GRIK2: variants seen among roughly 807,000 people sequenced by gnomAD.
GRIK2 encodes glutamate ionotropic receptor kainate type subunit 2.
Under a neutral mutation model 100.3 loss-of-function variants are expected in GRIK2, and 32 were observed. That is an observed-to-expected ratio of 0.32 (90% CI 0.24 to 0.43). The LOEUF is 0.43. Ranked by LOEUF, GRIK2 falls within the 20% of genes least tolerant of loss-of-function variation. The pLI, the probability that GRIK2 is intolerant of heterozygous loss-of-function variation, is 1.00. For synonymous variants in GRIK2, 417 were observed against 389.4 expected (o/e 1.07, Z -0.83); for missense variants, 843 against 1,114.9 (o/e 0.76, Z 3.47).
chr6:101,553,017 C>T (rs532158420), intron 2 of GRIK2, among the ~76,000 whole-genome samples: 4 of 152,230 alleles, frequency 2.6e-5, no homozygotes, highest in African/African-American at 7.2e-5. Flanking sequence ...CTCAAAGTTA[C>T]CCCAGTGAAT....
intron 2 of GRIK2, among the ~76,000 whole-genome samples, chr6:101,438,904 A>G (rs1289299412): frequency 6.6e-6 from 1 of 152,106 alleles, no homozygotes; most frequent in Admixed American, 6.6e-5. Context: ...AACTGCATTG[A>G]TTTTTGTGCT....
chr6:101,849,303 C>T (rs1326911225), intron 10 of GRIK2, among the ~76,000 whole-genome samples: 1 of 152,018 alleles, frequency 6.6e-6, no homozygotes, highest in Non-Finnish European at 1.5e-5. Context: ...ATCTCCTTAA[C>T]ATTGCTGTCC....
At chr6:101,648,412 A>G (rs1466790690) in intron 4 of GRIK2, among the ~76,000 whole-genome samples, 2 of 152,120 alleles carry the variant, frequency 1.3e-5, no homozygotes, top group African/African-American at 2.4e-5. Context: ...TCCAAGATCT[A>G]CTTTTGTATT....
At chr6:101,690,087 A>G (rs1309237891) in intron 7 of GRIK2, among the ~76,000 whole-genome samples, 1 of 152,162 alleles carries the variant, frequency 6.6e-6, no homozygotes, top group African/African-American at 2.4e-5. Flanking sequence ...AATTTCAGGT[A>G]AAGACAAACA....
At chr6:101,858,546 C>T (rs1784560903) in intron 10 of GRIK2, among the ~76,000 whole-genome samples, 1 of 146,354 alleles carries the variant, frequency 6.8e-6, no homozygotes, top group African/African-American at 2.8e-5. Context: ...GCCACTACGC[C>T]CAGCTAATTT....
chr6:101,943,621 G>T (rs1042461613), intron 14 of GRIK2, among the ~76,000 whole-genome samples: 2 of 152,162 alleles, frequency 1.3e-5, no homozygotes, highest in Admixed American at 6.6e-5. Flanking sequence ...GTCAAAGAAG[G>T]TTATTTTGGA....
At chr6:101,557,643 C>T (rs1311651652) in intron 2 of GRIK2, among the ~76,000 whole-genome samples, 2 of 152,248 alleles carry the variant, frequency 1.3e-5, no homozygotes, top group South Asian at 2.1e-4. Flanking sequence ...CAGCAACATA[C>T]GCACCCCTTA....
intron 14 of GRIK2, among the ~76,000 whole-genome samples, chr6:101,943,047 TC>T (rs566288592): frequency 1.8e-4 from 27 of 152,234 alleles, no homozygotes; most frequent in Middle Eastern, 6.8e-3. Flanking sequence ...ATGGGCCAGG[TC>T]CAGAGCTCTG....
chr6:101,733,566 T>G (rs1246837656), intron 7 of GRIK2, among the ~76,000 whole-genome samples: 1 of 152,126 alleles, frequency 6.6e-6, no homozygotes, highest in Non-Finnish European at 1.5e-5. Flanking sequence ...ATTTCTTTAT[T>G]AAAGTTTTAG....
chr6:101,616,549 A>G (rs542609638), intron 2 of GRIK2, among the ~76,000 whole-genome samples: 1 of 151,900 alleles, frequency 6.6e-6, no homozygotes, highest in South Asian at 2.1e-4. Context: ...TTTCTGTAAA[A>G]AGTCTTTTAC....
intron 2 of GRIK2, among the ~76,000 whole-genome samples, chr6:101,462,431 A>G (rs1047311560): frequency 6.6e-6 from 1 of 152,176 alleles, no homozygotes; most frequent in Admixed American, 6.5e-5. Context: ...AGAAAATGTC[A>G]CTGAGCTTTT....
intron 2 of GRIK2, among the ~76,000 whole-genome samples, chr6:101,461,009 A>C (rs1385922460): frequency 6.6e-6 from 1 of 152,202 alleles, no homozygotes; most frequent in African/African-American, 2.4e-5. Flanking sequence ...GACATCACCA[A>C]TTAGAAAGGA....
At chr6:101,889,036 G>T (rs1408460372) in intron 11 of GRIK2, among the ~76,000 whole-genome samples, 1 of 151,904 alleles carries the variant, frequency 6.6e-6, no homozygotes, top group Non-Finnish European at 1.5e-5. Flanking sequence ...AAGGCTGCAA[G>T]GATTTTCATT....
intron 16 of GRIK2, chr6:102,065,798 G>C: frequency 1.3e-6 from 2 of 1,517,732 alleles, no homozygotes; most frequent in Non-Finnish European, 8.9e-7. Flanking sequence ...TTTCAACAGA[G>C]AGCCAAGACT....
At chr6:101,787,241 A>AT (rs138378732) in intron 7 of GRIK2, among the ~76,000 whole-genome samples, 5,042 of 149,842 alleles carry the variant, frequency 0.034, 195 homozygotes, top group African/African-American at 0.094. Context: ...AAGTTTGTCA[A>AT]TTTTTTTTAA....
At chr6:101,931,687 C>A (rs1183783323) in intron 14 of GRIK2, among the ~76,000 whole-genome samples, 1 of 151,978 alleles carries the variant, frequency 6.6e-6, no homozygotes, top group Admixed American at 6.6e-5. Context: ...CCATTACACA[C>A]CACACAGACT....
rs756686000 is a variant in GRIK2, at chr6:101,859,472, G to C, written c.1503G>C (p.Met501Ile). 8.7e-6 allele frequency: 14 copies of C among 1,600,216 alleles called. No individual in the cohort carries two copies. The highest frequency in any genetic ancestry group is 5.0e-5 in the Admixed American group (3 of 59,986). Reference protein sequence around the residue: ...QDDANGQWNGMVRELIDHKAD... With the variant: ...QDDANGQWNGIVRELIDHKAD... ...ATGCCAATGGACAATGGAATGGAAT[G>C]GTTCGTGAACTAATTGATCATGTAA... Residue 501 changes from methionine to isoleucine, a missense_variant, in exon 11 of 17, where the codon ATG (methionine) becomes ATC (isoleucine). By Grantham distance (10) the Met-to-Ile change is conservative. Around this residue, in one of 3 missense-constraint regions of GRIK2, gnomAD observed 519 missense variants for 643.8 expected, o/e 0.81. Coordinates refer to ENST00000369134, the MANE Select transcript of GRIK2 (RefSeq NM_021956.5).
At chr6:101,895,134 G>T (rs1309399532) in intron 12 of GRIK2, among the ~76,000 whole-genome samples, 1 of 151,758 alleles carries the variant, frequency 6.6e-6, no homozygotes, top group Non-Finnish European at 1.5e-5. Context: ...AGGAGAAAGT[G>T]TAAAGGAAGG....
At chr6:101,479,580 T>C (rs1400098035) in intron 2 of GRIK2, among the ~76,000 whole-genome samples, 4 of 152,190 alleles carry the variant, frequency 2.6e-5, no homozygotes, top group African/African-American at 7.2e-5. Context: ...ATTAAGTTAT[T>C]ATTTGTAATT....
Sources: gnomAD v4.1 joint callset for allele counts (sites outside exome capture counted in the v4.1 genomes callset) on GRCh38, gnomAD v4.1.1 for gene constraint, gnomAD v4.1.1 regional missense constraint, MANE v1.5 for transcripts, NCBI Gene and HGNC (gene_info 2026-07-23, HGNC 2026-07-21) for gene names.